Variants in SHANK2 observed in about 807,000 individuals in gnomAD.
SHANK2 encodes the protein SH3 and multiple ankyrin repeat domains 2, also known as SH3 and multiple ankyrin repeat domains protein 2.
SHANK2 carries 43 observed loss-of-function variants against 133.7 expected under a neutral mutation model. The observed-to-expected ratio is 0.32, with a 90% CI of 0.25 to 0.41. The LOEUF is 0.41. Among genes scored for constraint, SHANK2 ranks in the 10% least tolerant of loss-of-function variants. SHANK2 has a pLI of 1.00. For missense variants in SHANK2, 1,994 were observed against 2,235.8 expected (o/e 0.89, Z 2.18); for synonymous variants, 1,017 against 952.8 (o/e 1.07, Z -1.24).
intron 11 of SHANK2, among the ~76,000 whole-genome samples, chr11:70,891,710 C>T (rs1949848332): frequency 6.6e-6 from 1 of 152,072 alleles, no homozygotes; most frequent in Non-Finnish European, 1.5e-5. Context: ...CTCCTCCCTC[C>T]CTCTCTCGGT....
intron 11 of SHANK2, among the ~76,000 whole-genome samples, chr11:70,831,860 G>T (rs541943736): frequency 1.9e-3 from 282 of 152,314 alleles, no homozygotes; most frequent in Non-Finnish European, 2.7e-3. Context: ...AGAGCCGGAC[G>T]TGGGAGTCAA....
chr11:71,122,412 T>C (rs1952097305), intron 3 of SHANK2, among the ~76,000 whole-genome samples: 1 of 151,684 alleles, frequency 6.6e-6, no homozygotes, highest in African/African-American at 2.4e-5. Context: ...AACCAAACAC[T>C]GCATGTTCTC....
intron 2 of SHANK2, among the ~76,000 whole-genome samples, chr11:71,151,765 A>G (rs1952801717): frequency 1.3e-5 from 2 of 149,480 alleles, no homozygotes; most frequent in Non-Finnish European, 3.0e-5. Flanking sequence ...CTCAGGTCAG[A>G]TAACGTCTGA....
intron 15 of SHANK2, among the ~76,000 whole-genome samples, chr11:70,686,295 C>A (rs1309529996): frequency 7.2e-6 from 1 of 138,878 alleles, no homozygotes; most frequent in Non-Finnish European, 1.6e-5. Context: ...GCCATCCATC[C>A]TTCCTTCCAT....
intron 9 of SHANK2, among the ~76,000 whole-genome samples, chr11:71,073,127 G>GTTT (rs1277169505): frequency 3.2e-5 from 3 of 93,782 alleles, no homozygotes; most frequent in Non-Finnish European, 7.5e-5. Flanking sequence ...CTTGCTTTTT[G>GTTT]TTTTTTTTCT....
intron 17 of SHANK2, among the ~76,000 whole-genome samples, chr11:70,632,130 G>C (rs969208445): frequency 6.6e-6 from 1 of 152,048 alleles, no homozygotes; most frequent in Non-Finnish European, 1.5e-5. Flanking sequence ...GGACATTTTT[G>C]TTTTTGTTTT....
chr11:70,641,796 G>T (rs1555006463), intron 17 of SHANK2, among the ~76,000 whole-genome samples: 1 of 152,200 alleles, frequency 6.6e-6, no homozygotes, highest in Non-Finnish European at 1.5e-5. Context: ...AGCATTGCGG[G>T]CACGGACACA....
In SHANK2 at chr11:70,739,073, T is replaced by C. The variant is rs781892263; in HGVS notation, c.1778-40310A>G. The stretch of plus-strand genomic sequence containing the variant: ...AGCCAAGATGCTGCATATCCCACCA[T>C]CTGGCCCCATTGTCTGGGGACAGGA... On this transcript the variant is annotated intron_variant, in intron 14 of 25. Transcript: ENST00000601538. This position sits in a 1 kb window ranked among gnomAD's most constrained non-coding sequence, Gnocchi z 4.3. Among the ~76,000 whole-genome samples the C allele has an allele frequency of 1.9e-4, 29 of 152,296 alleles. No individual in the cohort carries two copies. The highest frequency in any genetic ancestry group is 3.2e-4 in the Non-Finnish European group (22 of 68,026).
At chr11:70,673,537 A>G (rs1944854985) in intron 15 of SHANK2, among the ~76,000 whole-genome samples, 2 of 152,182 alleles carry the variant, frequency 1.3e-5, no homozygotes, top group African/African-American at 4.8e-5. Context: ...AGATGGCCCC[A>G]CAGCTACAAA....
chr11:70,947,028 C>T (rs1238180003), intron 10 of SHANK2, among the ~76,000 whole-genome samples: 7 of 151,866 alleles, frequency 4.6e-5, no homozygotes, highest in African/African-American at 1.5e-4. Context: ...CCTTCCCAGG[C>T]TCAACCTCCC....
chr11:71,139,111 C>T (rs1167099505), intron 3 of SHANK2, among the ~76,000 whole-genome samples: 1 of 152,196 alleles, frequency 6.6e-6, no homozygotes, highest in Non-Finnish European at 1.5e-5. Flanking sequence ...TAAATGGAAG[C>T]ACTGACTCAA....
chr11:70,729,593 C>T (rs1166355287), intron 14 of SHANK2, among the ~76,000 whole-genome samples: 6 of 150,136 alleles, frequency 4.0e-5, no homozygotes, highest in East Asian at 2.0e-4. Flanking sequence ...GGTGCGATCT[C>T]GGCTCACTGC....
intron 14 of SHANK2, among the ~76,000 whole-genome samples, chr11:70,794,413 T>C (rs1424650049): frequency 6.6e-6 from 1 of 152,202 alleles, no homozygotes; most frequent in East Asian, 1.9e-4. Context: ...AATCCAGTGA[T>C]AGGCAAAATC....
chr11:70,697,071 A>G (rs1283156093), intron 15 of SHANK2, among the ~76,000 whole-genome samples: 1 of 152,230 alleles, frequency 6.6e-6, no homozygotes, highest in Non-Finnish European at 1.5e-5. Context: ...TCACATTCAT[A>G]GAGACAGAAA....
At position 71,113,356 on chromosome 11, in the gene SHANK2, G is replaced by C; in HGVS notation, c.420C>G (p.Tyr140Ter). 6.4e-6 allele frequency: 10 copies of C among 1,551,640 alleles called. No individual in the cohort carries two copies. Among genetic ancestry groups the C allele is most frequent in the Non-Finnish European group, 8.7e-6 (10 of 1,146,960 alleles). ...GEGVPSLEFR[Y>*]KKRVYKQASL... ...TGGCTTGTTTATACACCCGCTTCTT[G>C]TATCGAAACTGGCACAGAAAACAAA... The change falls in exon 5 of 26, where the codon TAC (tyrosine) becomes TAG (stop). Residue 140 changes from tyrosine to a stop codon, truncating the protein, a stop_gained. Transcript: ENST00000601538. LOFTEE classifies it high-confidence loss of function.
At chr11:70,858,608 C>T (rs1949207264) in intron 11 of SHANK2, among the ~76,000 whole-genome samples, 1 of 152,240 alleles carries the variant, frequency 6.6e-6, no homozygotes. Flanking sequence ...CAGTTATCCA[C>T]ACAACAGCCA....
chr11:70,787,147 C>T (rs1333708619), intron 14 of SHANK2, among the ~76,000 whole-genome samples: 1 of 150,618 alleles, frequency 6.6e-6, no homozygotes, highest in Admixed American at 6.6e-5. Flanking sequence ...CCAAGATCAC[C>T]ACCACCAGCA....
chr11:71,246,506 C>T (rs1201994214), intron 1 of SHANK2, among the ~76,000 whole-genome samples: 1 of 152,176 alleles, frequency 6.6e-6, no homozygotes, highest in Non-Finnish European at 1.5e-5. Context: ...AGGTAAGAAT[C>T]ACCTGCAGGA....
intron 14 of SHANK2, among the ~76,000 whole-genome samples, chr11:70,772,627 C>T (rs1555043124): frequency 6.6e-6 from 1 of 152,002 alleles, no homozygotes; most frequent in East Asian, 1.9e-4. Context: ...GGAAGGGGTC[C>T]CCTCTCTGCA....
Sources: gnomAD v4.1 joint callset for allele counts (sites outside exome capture counted in the v4.1 genomes callset) on GRCh38, gnomAD v4.1.1 for gene constraint, Gnocchi (gnomAD v3.1) non-coding constraint, MANE v1.5 for transcripts, NCBI Gene and HGNC (gene_info 2026-07-23, HGNC 2026-07-21) for gene names.